RAPGEF4: variants seen among roughly 807,000 people sequenced by gnomAD.
RAPGEF4 encodes RAP guanine-nucleotide-exchange factor (GEF) 4.
A neutral mutation model predicts 147.9 loss-of-function variants in RAPGEF4; 66 were observed. The observed-to-expected ratio is 0.45, with a 90% CI of 0.37 to 0.55. The LOEUF (loss-of-function observed/expected upper bound fraction) is 0.55. RAPGEF4 is among the 20% of genes least tolerant of loss of function. RAPGEF4 has a pLI of 0.00. For missense variants in RAPGEF4, 1,071 were observed against 1,257.3 expected (o/e 0.85, Z 2.24); for synonymous variants, 419 against 442.7 (o/e 0.95, Z 0.67).
At chr2:172,912,457 T>TA (rs1683537804) in intron 4 of RAPGEF4, among the ~76,000 whole-genome samples, 1 of 152,212 alleles carries the variant, frequency 6.6e-6, no homozygotes. Context: ...TCTGAAGTCT[T>TA]AAAGCAGGGT....
intron 17 of RAPGEF4, among the ~76,000 whole-genome samples, chr2:173,007,910 A>T (rs924231869): frequency 2.6e-5 from 4 of 152,242 alleles, no homozygotes; most frequent in Non-Finnish European, 5.9e-5. Flanking sequence ...CTCAGCAATT[A>T]TGCTTAACCT....
At chr2:172,865,601 T>C (rs1694546298) in intron 4 of RAPGEF4, among the ~76,000 whole-genome samples, 1 of 152,094 alleles carries the variant, frequency 6.6e-6, no homozygotes, top group South Asian at 2.1e-4. Context: ...CCCTCTGCCC[T>C]CTTCCTCTGT....
At chr2:173,000,746 CTTTCTT>C (rs1693823343) in intron 16 of RAPGEF4, among the ~76,000 whole-genome samples, 4 of 72,790 alleles carry the variant, frequency 5.5e-5, no homozygotes, top group Non-Finnish European at 9.9e-5. Context: ...TCTTTTCTTT[CTTTCTT>C]TTTTTTTTTT....
intron 1 of RAPGEF4, among the ~76,000 whole-genome samples, chr2:172,746,225 C>A (rs1295585373): frequency 6.6e-6 from 1 of 152,288 alleles, no homozygotes; most frequent in East Asian, 1.9e-4. Context: ...AAATTACATT[C>A]TTGTTTGGCT....
chr2:172,911,050 T>C (rs1157232475), intron 4 of RAPGEF4, among the ~76,000 whole-genome samples: 1 of 152,190 alleles, frequency 6.6e-6, no homozygotes, highest in African/African-American at 2.4e-5. Context: ...CCACGACAGT[T>C]CACAACCCCT....
At chr2:172,944,123 T>C (rs953329369) in intron 6 of RAPGEF4, among the ~76,000 whole-genome samples, 16 of 152,288 alleles carry the variant, frequency 1.1e-4, no homozygotes, top group African/African-American at 3.1e-4. Context: ...CACGGGAACA[T>C]CTTAGGCTGC....
chr2:172,883,730 T>C (rs1696870050), intron 4 of RAPGEF4, among the ~76,000 whole-genome samples: 1 of 152,130 alleles, frequency 6.6e-6, no homozygotes, highest in African/African-American at 2.4e-5. Context: ...CCGCTTCAGT[T>C]GGCAGTGTCT....
intron 10 of RAPGEF4, among the ~76,000 whole-genome samples, chr2:172,982,167 CA>C (rs1403913325): frequency 3.3e-5 from 5 of 152,102 alleles, no homozygotes; most frequent in Non-Finnish European, 7.4e-5. Flanking sequence ...TTTAGTACAC[CA>C]ATACTCCTCA....
chr2:173,045,504 T>A (rs1344501511), intron 29 of RAPGEF4, among the ~76,000 whole-genome samples: 1 of 151,954 alleles, frequency 6.6e-6, no homozygotes, highest in African/African-American at 2.4e-5. Flanking sequence ...GATCTGGGGG[T>A]GTGAAGATAT....
At chr2:173,029,888 TATA>T (rs1338787401) in intron 25 of RAPGEF4, among the ~76,000 whole-genome samples, 1 of 152,206 alleles carries the variant, frequency 6.6e-6, no homozygotes, top group Non-Finnish European at 1.5e-5. Flanking sequence ...AGTTTGGGAT[TATA>T]ATAACAACCC....
chr2:172,976,669 A>C (rs1691108987), intron 10 of RAPGEF4, among the ~76,000 whole-genome samples: 1 of 152,174 alleles, frequency 6.6e-6, no homozygotes, highest in Non-Finnish European at 1.5e-5. Flanking sequence ...GGTCTAAAGG[A>C]CTGGAATATT....
At chr2:172,766,351 A>T in intron 1 of RAPGEF4, among the ~76,000 whole-genome samples, 1 of 152,122 alleles carries the variant, frequency 6.6e-6, no homozygotes, top group East Asian at 1.9e-4. Context: ...CGGGAGTTCG[A>T]GACCAGCCTA....
At chr2:172,818,967 A>AT (rs1559056961) in intron 4 of RAPGEF4, among the ~76,000 whole-genome samples, 1 of 152,216 alleles carries the variant, frequency 6.6e-6, no homozygotes, top group Non-Finnish European at 1.5e-5. Flanking sequence ...CACTCAGAGT[A>AT]TTTTTTAAAA....
intron 4 of RAPGEF4, among the ~76,000 whole-genome samples, chr2:172,856,461 T>G (rs1046752597): frequency 6.6e-6 from 1 of 152,224 alleles, no homozygotes; most frequent in Non-Finnish European, 1.5e-5. Context: ...GTTATTTTTT[T>G]GTGTGTCTTT....
chr2:173,021,918 C>G (rs1696136028), intron 23 of RAPGEF4, among the ~76,000 whole-genome samples: 1 of 152,182 alleles, frequency 6.6e-6, no homozygotes, highest in African/African-American at 2.4e-5. Context: ...AGCCCATAAG[C>G]ACGCTCACCT....
intron 6 of RAPGEF4, among the ~76,000 whole-genome samples, chr2:172,944,216 T>C (rs916133092): frequency 3.9e-5 from 6 of 152,130 alleles, no homozygotes; most frequent in African/African-American, 7.2e-5. Flanking sequence ...GGGAGGAGCC[T>C]CACTGTAGAA....
intron 1 of RAPGEF4, among the ~76,000 whole-genome samples, chr2:172,775,550 G>A (rs1052590203): frequency 1.2e-4 from 18 of 152,168 alleles, no homozygotes; most frequent in African/African-American, 4.3e-4. Flanking sequence ...TTGGAAATTT[G>A]TGATGGTGAG....
At chr2:172,984,245 G>A (rs1416686686) in intron 11 of RAPGEF4, among the ~76,000 whole-genome samples, 3 of 152,222 alleles carry the variant, frequency 2.0e-5, no homozygotes, top group East Asian at 3.9e-4. Context: ...AAGTTAAGAA[G>A]AATGAAGTGG....
chr2:172,976,473 A>G (rs1559157445), intron 10 of RAPGEF4, among the ~76,000 whole-genome samples: 1 of 152,232 alleles, frequency 6.6e-6, no homozygotes, highest in Non-Finnish European at 1.5e-5. Context: ...AGGACTTAAA[A>G]GTTAGAGAAT....
Sources: allele counts gnomAD v4.1 joint callset (sites outside exome capture counted in the v4.1 genomes callset), GRCh38; gene constraint gnomAD v4.1.1; transcripts MANE v1.5; gene names NCBI Gene and HGNC (gene_info 2026-07-23, HGNC 2026-07-21).